Variants in PADI3 observed in about 807,000 individuals in gnomAD.
PADI3 encodes peptidyl arginine deiminase 3.
In PADI3, 53 loss-of-function variants were observed where a neutral mutation model predicts 71.5. That is an observed-to-expected ratio of 0.74 (90% confidence interval 0.59 to 0.93). PADI3 has a LOEUF of 0.93. Ranked by LOEUF, PADI3 falls within the 40% of genes least tolerant of loss-of-function variation. PADI3 has a pLI of 0.00. For missense variants in PADI3, 821 were observed against 868.0 expected (o/e 0.95, Z 0.68); for synonymous variants, 361 against 347.5 (o/e 1.04, Z -0.43).
intron 10 of PADI3, 118 bp downstream of exon 10, chr1:17,273,565 T>G: frequency 1.7e-6 from 1 of 573,154 alleles, no homozygotes; most frequent in Non-Finnish European, 3.0e-6. Flanking sequence ...GGGATGAGGG[T>G]AGGGTTGCCA....
chr1:17,265,586 A>G, intron 3 of PADI3, 73 bp from the exon 4 acceptor site: 1 of 1,326,252 alleles, frequency 7.5e-7, no homozygotes, highest in South Asian at 1.2e-5. Context: ...AGCCCCAGAC[A>G]AGCCCTGAGA....
At chr1:17,270,077 A>ATT (rs1211691568) in intron 6 of PADI3, among the ~76,000 whole-genome samples, 156 bp from the exon 7 acceptor site, 1 of 152,066 alleles carries the variant, frequency 6.6e-6, no homozygotes, top group African/African-American at 2.4e-5. Context: ...CCCACTGTGT[A>ATT]TTACCTGTCC....
chr1:17,263,903 G>T (rs1477410697), intron 3 of PADI3, among the ~76,000 whole-genome samples: 2 of 152,118 alleles, frequency 1.3e-5, no homozygotes, highest in African/African-American at 2.4e-5. Context: ...TGTGGAGCTG[G>T]GAAACTCCTT....
Position 17,280,716 on chromosome 1 carries a change from C to G in PADI3, c.1681C>G (p.Leu561Val). The G allele has an allele frequency of 6.2e-7, 1 of 1,614,174 alleles. No individual in the cohort carries two copies. The highest frequency in any genetic ancestry group is 8.5e-7 in the Non-Finnish European group (1 of 1,180,024). The change falls in exon 15 of 16, where the codon CTG becomes GTG. Residue 561 changes from leucine to valine, a missense_variant. Leu to Val is a conservative substitution (Grantham distance 32). Coordinates refer to ENST00000375460, the MANE Select transcript of PADI3 (RefSeq NM_016233.2). ...NREVLKRELG[L>V]AECDIIDIPQ... ...TGAGGTGCTGAAGCGGGAGCTGGGC[C>G]TGGCAGAGTGTGACATCATTGACAT...
intron 11 of PADI3, 49 bp from the exon 12 acceptor site, chr1:17,276,470 T>C (rs368682827): frequency 6.3e-7 from 1 of 1,599,248 alleles, no homozygotes. Flanking sequence ...TATTTCTGCA[T>C]GGAGTCTTTT....
Position 17,270,410 on chromosome 1 carries a change from A to AGGTAGGGACAGAGG in PADI3, c.831+2_831+15dup. The AGGTAGGGACAGAGG allele has an allele frequency of 1.2e-6, 2 of 1,611,204 alleles. No homozygotes were observed. Among genetic ancestry groups the AGGTAGGGACAGAGG allele is most frequent in the Non-Finnish European group, 1.7e-6 (2 of 1,178,908 alleles). On this transcript the variant is annotated frameshift_variant and splice_region_variant, in exon 7 of 16. Transcript: ENST00000375460. LOFTEE classifies it high-confidence loss of function. ...GTCACTCTGCTGGACGACTCCAACG[A>AGGTAGGGACAGAGG]GGTAGGGACAGAGGGGGTTCAAGAG... is the stretch of plus-strand genomic sequence containing the variant.
At chr1:17,273,519 G>T in intron 10 of PADI3, 72 bp downstream of exon 10, 2 of 947,992 alleles carry the variant, frequency 2.1e-6, no homozygotes, top group Non-Finnish European at 3.3e-6. Context: ...CCGGGGTGTG[G>T]GGTACAGAGG....
At chr1:17,277,360 A>C (rs2073348412) in intron 13 of PADI3, among the ~76,000 whole-genome samples, 2 of 151,896 alleles carry the variant, frequency 1.3e-5, no homozygotes, top group South Asian at 4.2e-4. Flanking sequence ...ACGCCCGGCT[A>C]ATTTTGTGTT....
chr1:17,276,246 A>C (rs2073328485), intron 11 of PADI3, among the ~76,000 whole-genome samples: 1 of 152,178 alleles, frequency 6.6e-6, no homozygotes, highest in African/African-American at 2.4e-5. Flanking sequence ...CTGAGGCAGG[A>C]GAATCCCTTG....
At chr1:17,269,926 G>C (rs972244524) in intron 6 of PADI3, among the ~76,000 whole-genome samples, 1 of 152,122 alleles carries the variant, frequency 6.6e-6, no homozygotes, top group Non-Finnish European at 1.5e-5. Flanking sequence ...GCCTGTAGAT[G>C]TATTTTTGTA....
chr1:17,252,876 TCATGTGGCTGAGGGG>T (rs2100554155), intron 1 of PADI3, among the ~76,000 whole-genome samples: 1 of 152,310 alleles, frequency 6.6e-6, no homozygotes, highest in Non-Finnish European at 1.5e-5. Context: ...TTGTGGCTGC[TCATGTGGCTGAGGGG>T]CCCGCGAAGC....
chr1:17,257,228 T>G (rs1050638964), intron 1 of PADI3, among the ~76,000 whole-genome samples: 2 of 152,058 alleles, frequency 1.3e-5, no homozygotes, highest in African/African-American at 4.8e-5. Context: ...TCTGTCCCTA[T>G]CTCTCTGTCT....
chr1:17,258,832 A>G (rs918415651), intron 1 of PADI3, among the ~76,000 whole-genome samples: 3 of 152,224 alleles, frequency 2.0e-5, no homozygotes, highest in African/African-American at 7.2e-5. Flanking sequence ...CTAAGGAGAC[A>G]TGTGATGGGA....
At chr1:17,275,770 T>A (rs746525604) in intron 11 of PADI3, among the ~76,000 whole-genome samples, 13 of 152,204 alleles carry the variant, frequency 8.5e-5, no homozygotes, top group Non-Finnish European at 1.5e-4. Flanking sequence ...TGGGATCAAA[T>A]AATGAATGAA....
chr1:17,258,213 C>T (rs2073052131), intron 1 of PADI3, among the ~76,000 whole-genome samples: 1 of 152,234 alleles, frequency 6.6e-6, no homozygotes, highest in African/African-American at 2.4e-5. Flanking sequence ...CATGCCGCTG[C>T]CTCCAGGAGG....
In PADI3 at chr1:17,259,662, C is replaced by T; in HGVS notation, c.177C>T (p.Gly59=). Residue 59 remains glycine (G), a synonymous_variant, in exon 2 of 16, where the codon GGC becomes GGT. Coordinates refer to ENST00000375460, the MANE Select transcript of PADI3 (RefSeq NM_016233.2). ...DIYISPNMER[G]RERADTRRWR... is the part of the protein sequence containing the mutation. ...ACATCTCTCCCAACATGGAGAGGGG[C>T]CGGGAGCGTGCAGACACCAGGCGGT... 4.3e-6 allele frequency: 7 copies of T among 1,613,882 alleles called. No individual in the cohort carries two copies. The highest frequency in any genetic ancestry group is 5.1e-6 in the Non-Finnish European group (6 of 1,179,848).
At chr1:17,271,213 C>T (rs372305068) in intron 9 of PADI3, 35 bp downstream of exon 9, 105 of 1,576,258 alleles carry the variant, frequency 6.7e-5, no homozygotes, top group African/African-American at 1.9e-4. Context: ...CCAGCAAGGA[C>T]GCCATCCTGG....
At chr1:17,258,904 G>C (rs2073062887) in intron 1 of PADI3, among the ~76,000 whole-genome samples, 1 of 152,192 alleles carries the variant, frequency 6.6e-6, no homozygotes, top group Non-Finnish European at 1.5e-5. Context: ...ACCCACCAAT[G>C]GCTGGTGTTC....
rs78635208 is a variant in PADI3, at chr1:17,250,541, G to A, written c.92+1312G>A. The stretch of plus-strand genomic sequence containing the variant: ...AGGGCATTGGATGAGAGGGGGTGAG[G>A]AGCTGGTCATGGGAGGGAACCAAGT... On this transcript the variant is annotated intron_variant, in intron 1 of 15. Coordinates refer to ENST00000375460, the MANE Select transcript of PADI3 (RefSeq NM_016233.2). Among the ~76,000 whole-genome samples, 1,003 of 152,290 alleles carry A rather than the reference G, an allele frequency of 6.6e-3. 11 individuals carry two copies. Among genetic ancestry groups the A allele is most frequent in the African/African-American group, 0.023 (940 of 41,562 alleles).
Sources: allele counts gnomAD v4.1 joint callset (sites outside exome capture counted in the v4.1 genomes callset), GRCh38; gene constraint gnomAD v4.1.1; transcripts MANE v1.5; gene names NCBI Gene and HGNC (gene_info 2026-07-23, HGNC 2026-07-21).